APC2: variants seen among roughly 807,000 people sequenced by gnomAD.
The protein encoded by APC2 is adenomatous polyposis coli protein 2.
Under a neutral mutation model 72.5 loss-of-function variants are expected in APC2, and 41 were observed. The observed-to-expected ratio is 0.57, with a 90% CI of 0.44 to 0.73. The LOEUF (loss-of-function observed/expected upper bound fraction) is 0.73. Ranked by LOEUF, APC2 falls within the 30% of genes least tolerant of loss-of-function variation. The probability of loss-of-function intolerance (pLI) is 0.00; values close to 1 mark genes in which losing one functional copy is unlikely to be tolerated. For synonymous variants in APC2, 1,898 were observed against 1,612.0 expected, an observed-to-expected ratio of 1.18 and a Z score of -4.25; for missense variants, 3,729 against 3,403.4, an observed-to-expected ratio of 1.10 and a Z score of -2.38.
In APC2 at chr19:1,466,349, C is replaced by T. The variant is rs756623586; in HGVS notation, c.3048C>T (p.Leu1016=). The T allele has an allele frequency of 1.5e-5, 23 of 1,561,046 alleles. No individual in the cohort carries two copies. In the East Asian group the frequency reaches 4.7e-4, roughly 32 times the overall value. Residue 1016 remains leucine, a synonymous_variant, in exon 15 of 15, where the codon CTC becomes CTT. Transcript: ENST00000590469. ...CCTCAAGGGCGGGTGCAGAGCCCCT[C>T]GCGGGGCCTGGAATCTCTCCAGGGG... is the stretch of plus-strand genomic sequence containing the variant. ...EGASRAGAEP[L]AGPGISPGAR...
chr19:1,450,014 G>C, upstream of APC2: 1 of 658,250 alleles, frequency 1.5e-6, no homozygotes, highest in Non-Finnish European at 1.9e-6. Flanking sequence ...GCCGACGCCG[G>C]TCCCCGCCCC....
intron 4 of APC2, among the ~76,000 whole-genome samples, chr19:1,454,172 T>A (rs2145185462): frequency 6.6e-6 from 1 of 152,232 alleles, no homozygotes; most frequent in East Asian, 1.9e-4. Flanking sequence ...CTAAGACTCC[T>A]GCCCTGTAAA....
At chr19:1,455,541 C>A in intron 6 of APC2, 41 bp downstream of exon 6, 1 of 1,553,468 alleles carries the variant, frequency 6.4e-7, no homozygotes, top group East Asian at 2.3e-5. Flanking sequence ...AGGCGGGGCC[C>A]TGCGCCAGTG....
chr19:1,446,362 C>T, upstream of APC2: 1 of 985,310 alleles, frequency 1.0e-6, no homozygotes, highest in Non-Finnish European at 1.2e-6. The surrounding 1 kb of genome is among the most constrained non-coding windows in gnomAD (Gnocchi z 6.1). Flanking sequence ...TGGGTCGAGC[C>T]GTTGGGGAGG....
At position 1,470,249 on chromosome 19, in the gene APC2, G is replaced by C. The variant is rs1472187573; in HGVS notation, c.*36G>C. 2.0e-6 allele frequency: 3 copies of C among 1,530,036 alleles called. No homozygotes were observed. The highest frequency in any genetic ancestry group is 2.6e-6 in the Non-Finnish European group (3 of 1,140,626). 94.8% of individuals were successfully genotyped at this position (1,530,036 alleles called of 1,614,324 possible). A position where few individuals can be genotyped will look rare whatever the true frequency, so the allele number is the denominator to read the frequency against. On this transcript the variant is annotated 3_prime_UTR_variant, in exon 15 of 15. Transcript: ENST00000590469. The stretch of plus-strand genomic sequence containing the variant: ...CGGCCTTCTGGAACGTTCTCTCCCG[G>C]CCCTGCGGCGCGGTCTGGCTGCCCC...
In APC2 at chr19:1,469,523, G is replaced by A; in HGVS notation, c.6222G>A (p.Arg2074=). 8.6e-7 allele frequency: 1 copy of A among 1,168,816 alleles called. No individual in the cohort carries two copies. The highest frequency in any genetic ancestry group is 1.1e-6 in the Non-Finnish European group (1 of 939,044). The allele number at this position is 1,168,816 out of a possible 1,614,324, so 72.4% of individuals were successfully genotyped here. ...CCAGCCCTGGCGAGCGCCCTGCCCGGCGCACCACCTCCGAGAGCCCGTCCC... is the reference window on the plus strand; with the variant it reads ...CCAGCCCTGGCGAGCGCCCTGCCCGACGCACCACCTCCGAGAGCCCGTCCC... The part of the protein sequence containing the change: ...ARPSPGERPA[R]RTTSESPSRL... The change falls in exon 15 of 15, where the codon CGG becomes CGA. Residue 2074 remains arginine, a synonymous_variant. Coordinates refer to ENST00000590469, the MANE Select transcript of APC2 (RefSeq NM_005883.3).
rs924597671 is a variant in APC2 at position 1,467,654 on chromosome 19, C to G, written c.4353C>G (p.Ser1451Arg). 1 of 1,477,632 alleles carries G rather than the reference C, an allele frequency of 6.8e-7. No individual in the cohort carries two copies. The highest frequency in any genetic ancestry group is 2.7e-5 in the East Asian group (1 of 36,404). 91.5% of individuals were successfully genotyped at this position (1,477,632 alleles called of 1,614,324 possible). A position where few individuals can be genotyped will look rare whatever the true frequency, so the allele number is the denominator to read the frequency against. Residue 1451 changes from serine to arginine, a missense_variant, in exon 15 of 15, where the codon AGC (serine) becomes AGG (arginine). Coordinates refer to ENST00000590469, the MANE Select transcript of APC2 (RefSeq NM_005883.3). ...ACAAGGCGGGAGGCGCCGGCCGCAGCGCGGAGCAGTCTCGGGGCGCGGGCA... is the reference window on the plus strand; with the variant it reads ...ACAAGGCGGGAGGCGCCGGCCGCAGGGCGGAGCAGTCTCGGGGCGCGGGCA... ...HRHKAGGAGRSAEQSRGAGKN... is the reference protein window; with the variant it reads ...HRHKAGGAGRRAEQSRGAGKN...
intron 10 of APC2, 144 bp downstream of exon 10, chr19:1,458,204 C>CATAGCACCTCTCATGA: frequency 1.4e-6 from 1 of 726,382 alleles, no homozygotes; most frequent in Middle Eastern, 3.8e-4. Context: ...CCTGGAGTCA[C>CATAGCACCTCTCATGA]ATAGCACCTC....
At position 1,465,944 on chromosome 19, in the gene APC2, G is replaced by A; in HGVS notation, c.2643G>A (p.Gln881=). The part of the protein sequence containing the change: ...SFSLSSGDPG[Q]EAPREGRAQS... ...GCCTCAGCTCTGGAGACCCGGGACA[G>A]GAGGCGCCACGGGAGGGCCGCGCCC... The change falls in exon 15 of 15, where the codon CAG becomes CAA. Residue 881 remains glutamine, a synonymous_variant. Coordinates refer to ENST00000590469, the MANE Select transcript of APC2 (RefSeq NM_005883.3). The A allele has an allele frequency of 1.9e-6, 3 of 1,581,012 alleles. No homozygotes were observed. The highest frequency in any genetic ancestry group is 1.1e-5 in the South Asian group (1 of 88,246).
chr19:1,461,826 T>C (rs936421010), intron 13 of APC2, 137 bp from the exon 14 acceptor site: 7 of 710,984 alleles, frequency 9.8e-6, no homozygotes, highest in African/African-American at 9.2e-5. Context: ...CACTCCAGCC[T>C]GGGGGAGAGA....
chr19:1,469,122 C>G lies in APC2; in HGVS notation c.5821C>G (p.Pro1941Ala). 1.5e-6 allele frequency: 2 copies of G among 1,355,456 alleles called. No homozygotes were observed. Among genetic ancestry groups the G allele is most frequent in the Middle Eastern group, 2.4e-4 (1 of 4,110 alleles). The allele number at this position is 1,355,456 out of a possible 1,614,324, so 84.0% of individuals were successfully genotyped here. A position where few individuals can be genotyped will look rare whatever the true frequency, so the allele number is the denominator to read the frequency against. ...PFMQRPARRG[P>A]PPLARAVPEP... is the part of the protein sequence containing the mutation. ...CATGCAGAGGCCGGCCCGGCGTGGG[C>G]CGCCACCGCTGGCTCGGGCAGTCCC... The change falls in exon 15 of 15, where the codon CCG (proline) becomes GCG (alanine). Residue 1941 changes from proline (P) to alanine (A), a missense_variant. Pro to Ala is a conservative substitution (Grantham distance 27). Coordinates refer to ENST00000590469, the MANE Select transcript of APC2 (RefSeq NM_005883.3).
At position 1,462,161 on chromosome 19, in the gene APC2, A is replaced by G. The variant is rs369026203; in HGVS notation, c.1837A>G (p.Thr613Ala). The change falls in exon 14 of 15, where the codon ACC becomes GCC. Residue 613 changes from threonine (T) to alanine (A), a missense_variant. Physicochemically the swap from Thr to Ala is moderately conservative, Grantham distance 58 (BLOSUM62 0). Coordinates refer to ENST00000590469, the MANE Select transcript of APC2 (RefSeq NM_005883.3). The part of the protein sequence containing the change: ...ILRNVSSLVA[T>A]REDYRQVLRD... ...CCGCAATGTGTCCAGCCTCGTCGCC[A>G]CCCGTGAGGACTACAGGTCGGCCCC... 2.5e-6 allele frequency: 4 copies of G among 1,599,570 alleles called. No homozygotes were observed. The highest frequency in any genetic ancestry group is 3.4e-6 in the Non-Finnish European group (4 of 1,175,006).
At position 1,470,066 on chromosome 19, in the gene APC2, C is replaced by T. The variant is rs1010013607; in HGVS notation, c.6765C>T (p.Gly2255=). 3 of 1,591,506 alleles carry T rather than the reference C, an allele frequency of 1.9e-6. No individual in the cohort carries two copies. Among genetic ancestry groups the T allele is most frequent in the South Asian group, 2.3e-5 (2 of 88,584 alleles). Reference sequence around the variant, plus strand: ...AGGGCCTGGGGGTCGCCGTGGGGGGCTTCCCCGCCAGCCGGCACGGCTCCC... The same window carrying T: ...AGGGCCTGGGGGTCGCCGTGGGGGGTTTCCCCGCCAGCCGGCACGGCTCCC... ...VHEGLGVAVG[G]FPASRHGSPS... is the part of the protein sequence containing the mutation. The change falls in exon 15 of 15, where the codon GGC becomes GGT. Residue 2255 remains glycine (G), a synonymous_variant. Coordinates refer to ENST00000590469, the MANE Select transcript of APC2 (RefSeq NM_005883.3).
chr19:1,468,225 C>T lies in APC2; in HGVS notation c.4924C>T (p.Pro1642Ser), dbSNP rs1450585256. ...CAGCTCGGCCCTGCCCAGGCGCCGG[C>T]CCCCCGTGTCTGGCCTGCGGCGCCG... ...CISSALPRRR[P>S]PVSGLRRRKP... is the part of the protein sequence containing the mutation. The change falls in exon 15 of 15, where the codon CCC (proline) becomes TCC (serine). Residue 1642 changes from proline to serine, a missense_variant. Pro to Ser is a moderately conservative substitution (Grantham distance 74). Transcript: ENST00000590469. 5 of 1,479,318 alleles carry T rather than the reference C, an allele frequency of 3.4e-6. No homozygotes were observed. Among genetic ancestry groups the T allele is most frequent in the South Asian group, 1.3e-5 (1 of 75,764 alleles). The allele number at this position is 1,479,318 out of a possible 1,614,324, so 91.6% of individuals were successfully genotyped here.
chr19:1,447,020 A>T (rs892721042), upstream of APC2, among the ~76,000 whole-genome samples: 99 of 152,098 alleles, frequency 6.5e-4, no homozygotes, highest in African/African-American at 2.2e-3. Context: ...GGGGCCGGGG[A>T]GCTGTCCGCG....
At position 1,450,270 on chromosome 19, in the gene APC2, C is replaced by T; in HGVS notation, c.-87C>T. 1 of 985,442 alleles carries T rather than the reference C, an allele frequency of 1.0e-6. No homozygotes were observed. The highest frequency in any genetic ancestry group is 1.2e-6 in the Non-Finnish European group (1 of 829,934). 61.0% of individuals were successfully genotyped at this position (985,442 alleles called of 1,614,324 possible). A position where few individuals can be genotyped will look rare whatever the true frequency, so the allele number is the denominator to read the frequency against. On this transcript the variant is annotated 5_prime_UTR_variant, in exon 1 of 15. Transcript: ENST00000590469. ...CCCGGGCCGGGATTTCCGGTGGGGC[C>T]CGCGGAGCCGCGCAGAGGGAGGAGG...
Position 1,455,472 on chromosome 19 carries a change from C to G in APC2, c.611C>G (p.Thr204Ser). The G allele has an allele frequency of 6.2e-7, 1 of 1,603,874 alleles. No homozygotes were observed. The highest frequency in any genetic ancestry group is 8.5e-7 in the Non-Finnish European group (1 of 1,175,700). The change falls in exon 6 of 15, where the codon ACC (threonine) becomes AGC (serine). Residue 204 changes from threonine to serine, a missense_variant. Transcript: ENST00000590469. ...IRSLMEERFG[T>S]SDEMVQRAQI... ...TCGCTGATGGAGGAGCGCTTCGGCA[C>G]CTCGGACGAGATGGTGCAGCGGGCA...
chr19:1,463,755 T>TTA (rs1461519039), intron 14 of APC2, among the ~76,000 whole-genome samples: 1 of 151,676 alleles, frequency 6.6e-6, no homozygotes, highest in Non-Finnish European at 1.5e-5. Context: ...TGTCTCAATT[T>TTA]TATTTTAAAT....
intron 9 of APC2, 161 bp from the exon 10 acceptor site, chr19:1,457,796 CCCCATCAT>C (rs752305617): frequency 1.9e-5 from 12 of 645,822 alleles, no homozygotes; most frequent in Non-Finnish European, 3.3e-5. Context: ...AGAGAGGCCA[CCCCATCAT>C]CCCATCTTAG....
Sources: allele counts gnomAD v4.1 joint callset (sites outside exome capture counted in the v4.1 genomes callset), GRCh38; gene constraint gnomAD v4.1.1; non-coding constraint Gnocchi (gnomAD v3.1); transcripts MANE v1.5; gene names NCBI Gene and HGNC (gene_info 2026-07-23, HGNC 2026-07-21).